Variants in CLSTN2 observed in about 807,000 individuals in gnomAD.
CLSTN2 encodes the protein calsyntenin-2.
CLSTN2 carries 48 observed loss-of-function variants against 101.2 expected under a neutral mutation model. The ratio of observed to expected loss-of-function variants is 0.47; its 90% CI spans 0.38 to 0.60. CLSTN2 has a LOEUF of 0.60. Among genes scored for constraint, CLSTN2 ranks in the 20% least tolerant of loss-of-function variants. CLSTN2 has a pLI of 0.00. For synonymous variants in CLSTN2, 481 were observed against 463.6 expected, an observed-to-expected ratio of 1.04 and a Z score of -0.48; for missense variants, 1,160 against 1,238.2, an observed-to-expected ratio of 0.94 and a Z score of 0.95.
intron 2 of CLSTN2, among the ~76,000 whole-genome samples, chr3:140,393,337 C>T (rs992073344): frequency 3.3e-5 from 5 of 152,200 alleles, no homozygotes; most frequent in African/African-American, 4.8e-5. Flanking sequence ...AATATTAAGT[C>T]TTCCTCTGGT....
At chr3:140,487,621 T>C (rs1934266480) in intron 8 of CLSTN2, among the ~76,000 whole-genome samples, 2 of 152,230 alleles carry the variant, frequency 1.3e-5, no homozygotes, top group African/African-American at 4.8e-5. Flanking sequence ...ATTTCTTATG[T>C]GTTCATGGGA....
intron 1 of CLSTN2, among the ~76,000 whole-genome samples, chr3:140,043,037 C>G (rs925747479): frequency 3.9e-5 from 6 of 152,268 alleles, no homozygotes; most frequent in African/African-American, 1.2e-4. Context: ...GGGTATATAG[C>G]CAGTAATGGG....
At chr3:140,517,566 A>T (rs966455727) in intron 8 of CLSTN2, among the ~76,000 whole-genome samples, 1 of 151,994 alleles carries the variant, frequency 6.6e-6, no homozygotes, top group East Asian at 1.9e-4. Context: ...TTGAGAACCA[A>T]ATTGCAGTGA....
chr3:140,155,443 C>G (rs375281731), intron 1 of CLSTN2, among the ~76,000 whole-genome samples: 8 of 152,226 alleles, frequency 5.3e-5, no homozygotes, highest in African/African-American at 1.9e-4. Flanking sequence ...AGGAGCAGGT[C>G]TGGGGAGGAA....
At chr3:140,083,409 T>G (rs1226489649) in intron 1 of CLSTN2, among the ~76,000 whole-genome samples, 4 of 152,180 alleles carry the variant, frequency 2.6e-5, no homozygotes, top group African/African-American at 9.7e-5. Context: ...AAGAAAACCT[T>G]AAATGGCTGG....
chr3:140,533,196 C>G (rs1935294613), intron 9 of CLSTN2, among the ~76,000 whole-genome samples: 1 of 152,222 alleles, frequency 6.6e-6, no homozygotes, highest in Admixed American at 6.5e-5. Flanking sequence ...CTGTCTCTCA[C>G]TCAGGTCTGC....
intron 1 of CLSTN2, among the ~76,000 whole-genome samples, chr3:140,167,017 A>G (rs1233038164): frequency 6.6e-6 from 1 of 152,218 alleles, no homozygotes; most frequent in Non-Finnish European, 1.5e-5. Flanking sequence ...AGGGAACATC[A>G]GGCTATGGAA....
At chr3:140,127,405 A>C (rs2009453203) in intron 1 of CLSTN2, among the ~76,000 whole-genome samples, 1 of 152,192 alleles carries the variant, frequency 6.6e-6, no homozygotes, top group Admixed American at 6.5e-5. Context: ...TACATAAGAA[A>C]GTCTTAATAC....
intron 9 of CLSTN2, among the ~76,000 whole-genome samples, chr3:140,533,374 C>T (rs1206885311): frequency 6.6e-6 from 1 of 152,168 alleles, no homozygotes; most frequent in Non-Finnish European, 1.5e-5. Flanking sequence ...GTGACTTTGA[C>T]TCTTCACCAT....
intron 2 of CLSTN2, among the ~76,000 whole-genome samples, chr3:140,226,843 G>A (rs1019644909): frequency 6.6e-6 from 1 of 151,730 alleles, no homozygotes; most frequent in Non-Finnish European, 1.5e-5. Flanking sequence ...GAGAGTTTGT[G>A]CAAAAAAAAA....
chr3:139,990,965 T>C (rs1333499034), intron 1 of CLSTN2, among the ~76,000 whole-genome samples: 1 of 152,228 alleles, frequency 6.6e-6, no homozygotes, highest in Non-Finnish European at 1.5e-5. Flanking sequence ...TAAAATTTTA[T>C]TTTTAAAATA....
chr3:139,964,943 C>A (rs922177660), intron 1 of CLSTN2, among the ~76,000 whole-genome samples: 3 of 152,104 alleles, frequency 2.0e-5, no homozygotes, highest in Admixed American at 6.5e-5. Context: ...AGTAAGTTGA[C>A]AAATACCATC....
chr3:140,414,807 CA>C (rs2088409580), intron 4 of CLSTN2, among the ~76,000 whole-genome samples: 1 of 151,992 alleles, frequency 6.6e-6, no homozygotes, highest in African/African-American at 2.4e-5. Flanking sequence ...TGGCAGTTTT[CA>C]TAGTAACAGA....
intron 2 of CLSTN2, among the ~76,000 whole-genome samples, chr3:140,312,670 T>C (rs1221628514): frequency 6.6e-6 from 1 of 152,200 alleles, no homozygotes; most frequent in African/African-American, 2.4e-5. Flanking sequence ...GATAAGCCAG[T>C]GTGTTGCAAT....
chr3:140,202,275 A>G (rs138383013), intron 2 of CLSTN2, among the ~76,000 whole-genome samples: 85 of 152,316 alleles, frequency 5.6e-4, no homozygotes, highest in Non-Finnish European at 9.6e-4. Flanking sequence ...TTAGTAGGCC[A>G]CTGCAGTAAC....
intron 2 of CLSTN2, among the ~76,000 whole-genome samples, chr3:140,232,006 A>G (rs2086375478): frequency 2.0e-5 from 3 of 152,228 alleles, no homozygotes; most frequent in Admixed American, 6.5e-5. Flanking sequence ...AATGGGTACT[A>G]TATATCTTTG....
intron 2 of CLSTN2, among the ~76,000 whole-genome samples, chr3:140,240,841 G>A (rs1192835556): frequency 3.9e-5 from 6 of 152,248 alleles, no homozygotes; most frequent in East Asian, 3.9e-4. Context: ...AGATTTTTAC[G>A]TGGCACTACT....
At chr3:140,541,093 T>TC (rs1275566498) in intron 9 of CLSTN2, among the ~76,000 whole-genome samples, 1 of 151,326 alleles carries the variant, frequency 6.6e-6, no homozygotes, top group African/African-American at 2.4e-5. Flanking sequence ...TCCCAACCCA[T>TC]CCCCCTCCAA....
chr3:140,443,693 G>T (rs1201883677), intron 5 of CLSTN2, among the ~76,000 whole-genome samples: 2 of 152,188 alleles, frequency 1.3e-5, no homozygotes, highest in Non-Finnish European at 2.9e-5. Flanking sequence ...TTCCAAGTAG[G>T]ACAGTTCAGA....
Sources: allele counts gnomAD v4.1 joint callset (sites outside exome capture counted in the v4.1 genomes callset), GRCh38; gene constraint gnomAD v4.1.1; transcripts MANE v1.5; gene names NCBI Gene and HGNC (gene_info 2026-07-23, HGNC 2026-07-21).